The following CYP4X1 variants were observed in gnomAD, a reference collection of about 807,000 sequenced individuals.
CYP4X1 encodes cytochrome P450 4X1.
CYP4X1 carries 44 observed loss-of-function variants against 57.9 expected under a neutral mutation model. That is an observed-to-expected ratio of 0.76 (90% CI 0.60 to 0.98). CYP4X1 has a LOEUF of 0.98. Among genes scored for constraint, CYP4X1 ranks in the 50% least tolerant of loss-of-function variants. CYP4X1 has a pLI of 0.00. For missense variants in CYP4X1, 532 were observed against 623.9 expected, an observed-to-expected ratio of 0.85 and a Z score of 1.57; for synonymous variants, 227 against 228.6, an observed-to-expected ratio of 0.99 and a Z score of 0.06.
chr1:46,982,166 A>C, the CYP4X1 span, among the ~76,000 whole-genome samples: 1 of 152,186 alleles, frequency 6.6e-6, no homozygotes, highest in African/African-American at 2.4e-5. Context: ...TAATAATAAA[A>C]TTATTGTACT....
chr1:47,039,693 A>G, intron 8 of CYP4X1, 161 bp downstream of exon 8: 1 of 436,316 alleles, frequency 2.3e-6, no homozygotes, highest in Non-Finnish European at 3.8e-6. Context: ...GCTCCAAATT[A>G]TTCTCTTGTC....
downstream of CYP4X1, among the ~76,000 whole-genome samples, chr1:47,054,526 T>C (rs1184203874): frequency 7.4e-4 from 113 of 151,980 alleles, no homozygotes; most frequent in Non-Finnish European, 2.5e-4. Context: ...GCCATTTTCA[T>C]GATATTGATT....
intron 1 of CYP4X1, among the ~76,000 whole-genome samples, chr1:47,029,419 C>T (rs1644102811): frequency 6.6e-6 from 1 of 152,218 alleles, no homozygotes; most frequent in African/African-American, 2.4e-5. Context: ...AAGATTCACA[C>T]ATCTGTGTAA....
At chr1:46,996,728 G>T in the CYP4X1 span, among the ~76,000 whole-genome samples, 1 of 152,306 alleles carries the variant, frequency 6.6e-6, no homozygotes, top group Non-Finnish European at 1.5e-5. Flanking sequence ...CTCTTGGAAG[G>T]TGGTAACTCA....
At chr1:46,979,299 C>T in the CYP4X1 span, among the ~76,000 whole-genome samples, 20 of 152,074 alleles carry the variant, frequency 1.3e-4, no homozygotes, top group Non-Finnish European at 1.5e-4. Flanking sequence ...GGGATATCAC[C>T]GCTGATCCCA....
chr1:46,986,253 T>G, the CYP4X1 span, among the ~76,000 whole-genome samples: 1 of 151,888 alleles, frequency 6.6e-6, no homozygotes, highest in Non-Finnish European at 1.5e-5. Flanking sequence ...ATCAATCAAA[T>G]GAAAGAAAAG....
the CYP4X1 span, among the ~76,000 whole-genome samples, chr1:46,990,577 T>G: frequency 0.81 from 123,451 of 151,854 alleles, 54,689 homozygotes; most frequent in Non-Finnish European, 0.98. Flanking sequence ...TATAAATCAT[T>G]CTACTATAAA....
At chr1:47,023,166 T>C (rs1644017610), upstream of CYP4X1, among the ~76,000 whole-genome samples, 1 of 152,204 alleles carries the variant, frequency 6.6e-6, no homozygotes. Flanking sequence ...TCATAAATTA[T>C]ATAGCAGGCC....
chr1:46,975,736 G>A, the CYP4X1 span, among the ~76,000 whole-genome samples: 2 of 152,016 alleles, frequency 1.3e-5, no homozygotes, highest in Non-Finnish European at 2.9e-5. Flanking sequence ...GGAAATTTTT[G>A]TGAACAATAT....
In CYP4X1 at chr1:47,036,177, T is replaced by C; in HGVS notation, c.775+6T>C. On this transcript the variant is annotated splice_donor_region_variant and intron_variant, in intron 6 of 11. Coordinates refer to ENST00000371901, the MANE Select transcript of CYP4X1 (RefSeq NM_178033.2). ...AGTGTTGAATCAGTACACAGGTATT[T>C]GTTGGGTTTGGGTTGCCCACGTCCA... The C allele has an allele frequency of 6.2e-7, 1 of 1,604,460 alleles. No homozygotes were observed. Among genetic ancestry groups the C allele is most frequent in the East Asian group, 2.2e-5 (1 of 44,558 alleles).
At chr1:46,961,628 C>G in the CYP4X1 span, 1 of 1,289,148 alleles carries the variant, frequency 7.8e-7, no homozygotes, top group Non-Finnish European at 1.0e-6. Context: ...GCCTGGGCAG[C>G]TGAAGTTCCC....
chr1:46,966,642 G>A, the CYP4X1 span, among the ~76,000 whole-genome samples: 1 of 152,174 alleles, frequency 6.6e-6, no homozygotes. Flanking sequence ...TATTTCAGTT[G>A]TAGGCACTGA....
chr1:46,989,239 T>G, the CYP4X1 span, among the ~76,000 whole-genome samples: 1 of 152,106 alleles, frequency 6.6e-6, no homozygotes, highest in Non-Finnish European at 1.5e-5. Flanking sequence ...ATCACAAGCA[T>G]TCCTACACAA....
the CYP4X1 span, among the ~76,000 whole-genome samples, chr1:46,984,229 G>A: frequency 0.016 from 2,463 of 152,090 alleles, 21 homozygotes; most frequent in South Asian, 0.032. Flanking sequence ...CCCCAGTGGG[G>A]AGTCTCCCTT....
At chr1:47,011,014 A>G in the CYP4X1 span, among the ~76,000 whole-genome samples, 2 of 152,220 alleles carry the variant, frequency 1.3e-5, no homozygotes, top group Admixed American at 6.5e-5. Flanking sequence ...TGCCATCCCC[A>G]TCAAGCTACC....
At chr1:47,015,679 A>G in the CYP4X1 span, among the ~76,000 whole-genome samples, 1 of 152,156 alleles carries the variant, frequency 6.6e-6, no homozygotes, top group Non-Finnish European at 1.5e-5. Flanking sequence ...CTTGAGCCCA[A>G]GAGGTTGAGG....
chr1:46,999,019 G>A, the CYP4X1 span, among the ~76,000 whole-genome samples: 1 of 100,316 alleles, frequency 1.0e-5, no homozygotes, highest in Non-Finnish European at 1.8e-5. Flanking sequence ...CCTTGGGCTT[G>A]CTTTCTTTGT....
At chr1:46,981,270 TA>T in the CYP4X1 span, among the ~76,000 whole-genome samples, 4 of 151,610 alleles carry the variant, frequency 2.6e-5, 1 homozygote, top group African/African-American at 9.7e-5. Context: ...ACAAAGAACA[TA>T]AACAAATTTA....
chr1:47,007,082 G>C, the CYP4X1 span, among the ~76,000 whole-genome samples: 1 of 152,210 alleles, frequency 6.6e-6, no homozygotes, highest in Non-Finnish European at 1.5e-5. Context: ...GAGAGTAGTA[G>C]TTCTCCCAGC....
Sources: allele counts gnomAD v4.1 joint callset (sites outside exome capture counted in the v4.1 genomes callset), GRCh38; gene constraint gnomAD v4.1.1; transcripts MANE v1.5; gene names NCBI Gene and HGNC (gene_info 2026-07-23, HGNC 2026-07-21).